UBE2E2: variants seen among roughly 807,000 people sequenced by gnomAD.
UBE2E2 encodes ubiquitin conjugating enzyme E2 E2, also known as ubiquitin-conjugating enzyme E2 E2.
In UBE2E2, 6 loss-of-function variants were observed where a neutral mutation model predicts 24.7. The ratio of observed to expected loss-of-function variants is 0.24; its 90% CI spans 0.13 to 0.48. The LOEUF is 0.48. Among genes scored for constraint, UBE2E2 ranks in the 20% least tolerant of loss-of-function variants. The pLI is 0.99. For synonymous variants in UBE2E2, 104 were observed against 83.6 expected, an observed-to-expected ratio of 1.24 and a Z score of -1.33; for missense variants, 169 against 245.0, an observed-to-expected ratio of 0.69 and a Z score of 2.07.
chr3:23,463,693 A>T (rs1698860844), intron 3 of UBE2E2, among the ~76,000 whole-genome samples: 1 of 152,104 alleles, frequency 6.6e-6, no homozygotes, highest in South Asian at 2.1e-4. Context: ...AATAGTACAT[A>T]AAGTGTATTA....
chr3:23,288,764 T>TAA (rs914362751), intron 3 of UBE2E2, among the ~76,000 whole-genome samples: 1 of 145,604 alleles, frequency 6.9e-6, no homozygotes, highest in African/African-American at 2.5e-5. Flanking sequence ...TCTTACAATG[T>TAA]AAAAAAAAAA....
At chr3:23,477,036 T>C (rs1054936215) in intron 3 of UBE2E2, among the ~76,000 whole-genome samples, 1 of 152,170 alleles carries the variant, frequency 6.6e-6, no homozygotes, top group Non-Finnish European at 1.5e-5. Context: ...AACAAAATTA[T>C]CATTTTAAAA....
chr3:23,279,542 TGAG>T (rs1320432183), intron 3 of UBE2E2, among the ~76,000 whole-genome samples: 4 of 152,164 alleles, frequency 2.6e-5, no homozygotes, highest in South Asian at 2.1e-4. Flanking sequence ...AACATTAAAA[TGAG>T]GAGGAATTTG....
intron 3 of UBE2E2, among the ~76,000 whole-genome samples, chr3:23,263,974 G>T (rs940704187): frequency 6.6e-6 from 1 of 152,092 alleles, no homozygotes; most frequent in African/African-American, 2.4e-5. Context: ...ATTCTACAGG[G>T]TATCCGTGGT....
chr3:23,437,725 T>C (rs1698214837), intron 3 of UBE2E2, among the ~76,000 whole-genome samples: 1 of 152,226 alleles, frequency 6.6e-6, no homozygotes, highest in Admixed American at 6.5e-5. Context: ...CACTCCCTCC[T>C]CCTTTGGATT....
intron 3 of UBE2E2, among the ~76,000 whole-genome samples, chr3:23,262,483 G>T (rs551749821): frequency 6.6e-6 from 1 of 152,082 alleles, no homozygotes; most frequent in South Asian, 2.1e-4. Context: ...GTCTCATTAT[G>T]TTGCCTAGGC....
intron 3 of UBE2E2, among the ~76,000 whole-genome samples, chr3:23,237,193 C>T (rs192809215): frequency 6.6e-6 from 1 of 152,250 alleles, no homozygotes; most frequent in Non-Finnish European, 1.5e-5. Flanking sequence ...CATATAAGGG[C>T]TCAAAAATTG....
intron 5 of UBE2E2, among the ~76,000 whole-genome samples, chr3:23,553,991 A>G (rs768242722): frequency 1.3e-5 from 2 of 152,294 alleles, no homozygotes; most frequent in Admixed American, 6.5e-5. Context: ...TGCAGATCCA[A>G]CACAGTCACT....
At chr3:23,403,649 G>A (rs888450888) in intron 3 of UBE2E2, among the ~76,000 whole-genome samples, 8 of 151,928 alleles carry the variant, frequency 5.3e-5, no homozygotes, top group Admixed American at 2.0e-4. Flanking sequence ...GGTGAAACCC[G>A]GTCTCTATTT....
At chr3:23,317,772 C>T (rs1395146656) in intron 3 of UBE2E2, among the ~76,000 whole-genome samples, 2 of 152,010 alleles carry the variant, frequency 1.3e-5, no homozygotes, top group Non-Finnish European at 2.9e-5. Flanking sequence ...TCTCCCACGA[C>T]ATGTGGGAAT....
At chr3:23,203,121 C>T (rs1696001382), upstream of UBE2E2, 1 of 982,364 alleles carries the variant, frequency 1.0e-6, no homozygotes, top group Non-Finnish European at 1.2e-6. Flanking sequence ...GGTGCGCGCG[C>T]GGACGGCCGG....
chr3:23,473,926 G>T (rs1350906974), intron 3 of UBE2E2, among the ~76,000 whole-genome samples: 1 of 151,952 alleles, frequency 6.6e-6, no homozygotes, highest in African/African-American at 2.4e-5. Context: ...ACCCAGTAGC[G>T]GGATTGCTGG....
chr3:23,282,164 A>T (rs1321742736), intron 3 of UBE2E2, among the ~76,000 whole-genome samples: 1 of 152,220 alleles, frequency 6.6e-6, no homozygotes, highest in Non-Finnish European at 1.5e-5. Flanking sequence ...CTACATATGG[A>T]TGGCCACATT....
intron 5 of UBE2E2, among the ~76,000 whole-genome samples, chr3:23,555,962 A>T (rs1263274258): frequency 6.6e-6 from 1 of 152,038 alleles, no homozygotes; most frequent in Non-Finnish European, 1.5e-5. Context: ...TATAGTTAAT[A>T]ATAGTGTCTT....
intron 3 of UBE2E2, among the ~76,000 whole-genome samples, chr3:23,258,629 C>T (rs1464219198): frequency 6.6e-6 from 1 of 152,036 alleles, no homozygotes; most frequent in African/African-American, 2.4e-5. Flanking sequence ...TGTGGTGGCT[C>T]ACGCCTATAA....
chr3:23,347,651 A>G (rs966620682), intron 3 of UBE2E2, among the ~76,000 whole-genome samples: 1 of 152,170 alleles, frequency 6.6e-6, no homozygotes, highest in African/African-American at 2.4e-5. Context: ...ATGTATACCT[A>G]TGTAACAAAC....
intron 3 of UBE2E2, among the ~76,000 whole-genome samples, chr3:23,315,905 A>G (rs528477175): frequency 6.6e-6 from 1 of 151,738 alleles, no homozygotes; most frequent in Non-Finnish European, 1.5e-5. Context: ...CTTTGTTAAG[A>G]TCTGGAGGAA....
chr3:23,522,497 T>A (rs954548474), intron 4 of UBE2E2, among the ~76,000 whole-genome samples: 16 of 152,362 alleles, frequency 1.1e-4, no homozygotes, highest in Admixed American at 2.0e-4. Flanking sequence ...GTAAATTTTT[T>A]AAAGACTTGT....
chr3:23,401,006 A>T (rs7624969), intron 3 of UBE2E2, among the ~76,000 whole-genome samples: 2,178 of 152,354 alleles, frequency 0.014, 47 homozygotes, highest in African/African-American at 0.047. Context: ...ATTAAAATGG[A>T]ATTCTGCTAA....
Sources: gnomAD v4.1 joint callset for allele counts (sites outside exome capture counted in the v4.1 genomes callset) on GRCh38, gnomAD v4.1.1 for gene constraint, MANE v1.5 for transcripts, NCBI Gene and HGNC (gene_info 2026-07-23, HGNC 2026-07-21) for gene names.